KCTD16: variants seen among roughly 807,000 people sequenced by gnomAD.
The protein encoded by KCTD16 is BTB/POZ domain-containing protein KCTD16.
In KCTD16, 13 loss-of-function variants were observed where a neutral mutation model predicts 33.2. The ratio of observed to expected loss-of-function variants is 0.39; its 90% CI spans 0.25 to 0.62. The LOEUF is 0.62. Among genes scored for constraint, KCTD16 ranks in the 20% least tolerant of loss-of-function variants. KCTD16 has a pLI of 0.50. For missense variants in KCTD16, 441 were observed against 525.1 expected, an observed-to-expected ratio of 0.84 and a Z score of 1.57; for synonymous variants, 197 against 195.3, an observed-to-expected ratio of 1.01 and a Z score of -0.07.
intron 2 of KCTD16, 84 bp downstream of exon 2, chr5:144,174,556 A>G (rs545412148): frequency 6.6e-6 from 1 of 152,326 alleles, no homozygotes; most frequent in East Asian, 1.9e-4. Context: ...TATTTCCTCC[A>G]AATTATCTTT....
chr5:144,462,021 G>C (rs1418934433), intron 3 of KCTD16, among the ~76,000 whole-genome samples: 1 of 152,060 alleles, frequency 6.6e-6, no homozygotes, highest in Non-Finnish European at 1.5e-5. Flanking sequence ...ATACTATTCT[G>C]GTGTTTCATC....
chr5:144,212,523 T>A (rs889478283), intron 3 of KCTD16, among the ~76,000 whole-genome samples: 2 of 152,134 alleles, frequency 1.3e-5, no homozygotes, highest in African/African-American at 4.8e-5. Flanking sequence ...AACAGCCTAA[T>A]GAGGTTGTAT....
chr5:144,399,389 A>C (rs1233242322), intron 3 of KCTD16, among the ~76,000 whole-genome samples: 1 of 152,156 alleles, frequency 6.6e-6, no homozygotes, highest in African/African-American at 2.4e-5. Context: ...AATTTAAAAA[A>C]ATAGACAGTG....
intron 3 of KCTD16, among the ~76,000 whole-genome samples, chr5:144,455,882 G>A (rs1754050185): frequency 1.3e-5 from 2 of 152,120 alleles, no homozygotes; most frequent in Admixed American, 1.3e-4. Flanking sequence ...CTTCTACAAT[G>A]GCATCACAGA....
intron 3 of KCTD16, among the ~76,000 whole-genome samples, chr5:144,246,510 A>C (rs1406159678): frequency 6.6e-6 from 1 of 152,190 alleles, no homozygotes; most frequent in Admixed American, 6.5e-5. Flanking sequence ...TTAATATAGA[A>C]CTTTTATGGC....
At chr5:144,252,870 T>A (rs1186983272) in intron 3 of KCTD16, among the ~76,000 whole-genome samples, 1 of 150,266 alleles carries the variant, frequency 6.7e-6, no homozygotes, top group Admixed American at 6.6e-5. Flanking sequence ...AGGAGGGTTG[T>A]TTTTTTTTCT....
At chr5:144,384,806 TC>T (rs1019534833) in intron 3 of KCTD16, among the ~76,000 whole-genome samples, 9 of 152,212 alleles carry the variant, frequency 5.9e-5, no homozygotes, top group Admixed American at 3.3e-4. Flanking sequence ...AGCTTTTGTT[TC>T]CTAATGATGG....
intron 3 of KCTD16, among the ~76,000 whole-genome samples, chr5:144,268,316 G>C (rs1755202020): frequency 6.6e-6 from 1 of 152,182 alleles, no homozygotes; most frequent in South Asian, 2.1e-4. Flanking sequence ...TACACATCGC[G>C]CTATTGTTGA....
At chr5:144,309,763 G>A (rs1751709991) in intron 3 of KCTD16, among the ~76,000 whole-genome samples, 2 of 151,954 alleles carry the variant, frequency 1.3e-5, no homozygotes, top group South Asian at 2.1e-4. Flanking sequence ...AATCCTATGA[G>A]AGATGGACCA....
At chr5:144,209,682 G>T (rs1184482986) in intron 3 of KCTD16, among the ~76,000 whole-genome samples, 4 of 151,330 alleles carry the variant, frequency 2.6e-5, no homozygotes. Flanking sequence ...TGTTGTGCTC[G>T]GGTTAATGGG....
chr5:144,377,394 A>C (rs1049309907), intron 3 of KCTD16, among the ~76,000 whole-genome samples: 1 of 152,212 alleles, frequency 6.6e-6, no homozygotes, highest in Admixed American at 6.5e-5. Flanking sequence ...AATTGCTGCC[A>C]GACATGAAAG....
At chr5:144,444,061 G>T (rs1018613157) in intron 3 of KCTD16, among the ~76,000 whole-genome samples, 4 of 151,878 alleles carry the variant, frequency 2.6e-5, no homozygotes, top group African/African-American at 9.7e-5. Context: ...CTCCAAGGAG[G>T]CCTGGTTTAT....
At chr5:144,446,888 A>C (rs2126981604) in intron 3 of KCTD16, among the ~76,000 whole-genome samples, 2 of 152,320 alleles carry the variant, frequency 1.3e-5, no homozygotes, top group East Asian at 3.9e-4. Flanking sequence ...AATGGCGATC[A>C]TTAAGAAGTC....
intron 3 of KCTD16, among the ~76,000 whole-genome samples, chr5:144,456,204 AC>A (rs34549176): frequency 1.3e-5 from 2 of 150,624 alleles, no homozygotes; most frequent in Non-Finnish European, 3.0e-5. Context: ...CCCCTCACAA[AC>A]CCCCCCCAAC....
intron 3 of KCTD16, among the ~76,000 whole-genome samples, chr5:144,361,781 C>T (rs1476074823): frequency 6.6e-6 from 1 of 152,080 alleles, no homozygotes; most frequent in Non-Finnish European, 1.5e-5. Flanking sequence ...GGTGTGTTCT[C>T]ATCACAATCT....
chr5:144,221,828 T>G (rs1022336800), intron 3 of KCTD16, among the ~76,000 whole-genome samples: 4 of 152,210 alleles, frequency 2.6e-5, no homozygotes, highest in African/African-American at 9.7e-5. Context: ...TCTTGATCCT[T>G]GAGGAATCCC....
chr5:144,401,666 T>A (rs1752707253), intron 3 of KCTD16, among the ~76,000 whole-genome samples: 1 of 152,220 alleles, frequency 6.6e-6, no homozygotes, highest in South Asian at 2.1e-4. Flanking sequence ...TATGTCCAAC[T>A]TGCCTTTACC....
chr5:144,351,140 T>C (rs977433520), intron 3 of KCTD16, among the ~76,000 whole-genome samples: 1 of 152,198 alleles, frequency 6.6e-6, no homozygotes, highest in South Asian at 2.1e-4. Flanking sequence ...CAAAATGTTT[T>C]ATGGAGAAGA....
intron 3 of KCTD16, among the ~76,000 whole-genome samples, chr5:144,232,354 A>C (rs968059103): frequency 2.0e-5 from 3 of 152,238 alleles, no homozygotes; most frequent in Non-Finnish European, 4.4e-5. Context: ...AGTAATAGTT[A>C]ATATTTTTTG....
Sources: allele counts gnomAD v4.1 joint callset (sites outside exome capture counted in the v4.1 genomes callset), GRCh38; gene constraint gnomAD v4.1.1; transcripts MANE v1.5; gene names NCBI Gene and HGNC (gene_info 2026-07-23, HGNC 2026-07-21).